Variants in MYRIP observed in about 807,000 individuals in gnomAD.
MYRIP encodes myosin VIIA and Rab interacting protein.
In MYRIP, 49 loss-of-function variants were observed where a neutral mutation model predicts 98.0. The observed-to-expected ratio is 0.50, with a 90% CI of 0.40 to 0.63. The LOEUF (loss-of-function observed/expected upper bound fraction) is 0.63. Ranked by LOEUF, MYRIP falls within the 30% of genes least tolerant of loss-of-function variation. The probability of loss-of-function intolerance (pLI) is 0.00; values close to 1 mark genes in which losing one functional copy is unlikely to be tolerated. For synonymous variants in MYRIP, 404 were observed against 409.5 expected (o/e 0.99, Z 0.16); for missense variants, 1,004 against 1,058.2 (o/e 0.95, Z 0.71).
intron 16 of MYRIP, among the ~76,000 whole-genome samples, chr3:40,257,652 T>A (rs560371709): frequency 6.6e-6 from 1 of 152,308 alleles, no homozygotes; most frequent in African/African-American, 2.4e-5. Context: ...AAAGTTCATA[T>A]AATAATAAAT....
At chr3:39,955,601 A>G (rs574196337) in intron 2 of MYRIP, among the ~76,000 whole-genome samples, 1 of 152,356 alleles carries the variant, frequency 6.6e-6, no homozygotes, top group South Asian at 2.1e-4. Context: ...CATTGATGCT[A>G]GGAAGAAACT....
intron 2 of MYRIP, among the ~76,000 whole-genome samples, chr3:40,043,758 T>C (rs917284823): frequency 4.6e-5 from 7 of 151,980 alleles, no homozygotes; most frequent in Admixed American, 3.3e-4. Context: ...TGCTTATTAG[T>C]TTTTTAATAA....
intron 3 of MYRIP, among the ~76,000 whole-genome samples, chr3:40,080,846 C>CTCT (rs775455217): frequency 6.9e-5 from 6 of 87,246 alleles, no homozygotes; most frequent in Non-Finnish European, 1.4e-4. Context: ...GCTTTTTCTA[C>CTCT]TCTTCTTTGT....
chr3:40,024,648 T>C (rs1189436246), intron 2 of MYRIP, among the ~76,000 whole-genome samples: 2 of 151,162 alleles, frequency 1.3e-5, no homozygotes, highest in Admixed American at 6.6e-5. Context: ...ATAATACGAG[T>C]GTACAGTGTG....
chr3:40,046,347 T>C (rs925375935), intron 3 of MYRIP, among the ~76,000 whole-genome samples: 1 of 151,926 alleles, frequency 6.6e-6, no homozygotes, highest in African/African-American at 2.4e-5. Context: ...TGTTACCAAC[T>C]GGTGGTAAAC....
intron 2 of MYRIP, among the ~76,000 whole-genome samples, chr3:39,966,437 A>G (rs1046717583): frequency 2.6e-5 from 4 of 152,224 alleles, no homozygotes; most frequent in African/African-American, 9.6e-5. Context: ...TTAAAGGCAC[A>G]GATTATATAT....
chr3:40,224,398 A>G (rs1429165211), intron 11 of MYRIP, among the ~76,000 whole-genome samples: 1 of 140,454 alleles, frequency 7.1e-6, no homozygotes, highest in Non-Finnish European at 1.5e-5. Context: ...TCTGAGGAAC[A>G]GTCAGTATAA....
chr3:39,976,418 G>A (rs1361827636), intron 2 of MYRIP, among the ~76,000 whole-genome samples: 1 of 152,190 alleles, frequency 6.6e-6, no homozygotes, highest in Admixed American at 6.5e-5. Flanking sequence ...AGGATATGGA[G>A]AAATAGGAAC....
chr3:39,830,663 A>G (rs1941414765), intron 1 of MYRIP, among the ~76,000 whole-genome samples: 1 of 152,096 alleles, frequency 6.6e-6, no homozygotes, highest in African/African-American at 2.4e-5. Context: ...ATTCAAGCAT[A>G]TCACCCTAGT....
intron 2 of MYRIP, among the ~76,000 whole-genome samples, chr3:40,030,932 T>G (rs1407175228): frequency 6.6e-6 from 1 of 152,146 alleles, no homozygotes; most frequent in African/African-American, 2.4e-5. Flanking sequence ...TAAAAACCGC[T>G]GAATTGTATA....
chr3:39,940,329 C>T (rs191171262), intron 2 of MYRIP, among the ~76,000 whole-genome samples: 1 of 151,854 alleles, frequency 6.6e-6, no homozygotes, highest in African/African-American at 2.4e-5. Flanking sequence ...TTTTAGGGCC[C>T]CCTGTAAGGT....
chr3:40,087,102 G>T (rs1243289311), intron 3 of MYRIP, among the ~76,000 whole-genome samples: 1 of 152,020 alleles, frequency 6.6e-6, no homozygotes, highest in Non-Finnish European at 1.5e-5. Context: ...ACAAAGATAT[G>T]ATTGTACCCT....
intron 8 of MYRIP, among the ~76,000 whole-genome samples, chr3:40,178,611 C>T (rs1950819894): frequency 6.6e-6 from 1 of 152,232 alleles, no homozygotes; most frequent in Non-Finnish European, 1.5e-5. Flanking sequence ...AGAACAGTTA[C>T]ACCGGCTCAG....
chr3:40,156,154 T>A (rs1249871129), intron 4 of MYRIP, among the ~76,000 whole-genome samples: 1 of 151,456 alleles, frequency 6.6e-6, no homozygotes, highest in African/African-American at 2.4e-5. Flanking sequence ...TAATCCATCT[T>A]GAATTAATTT....
intron 1 of MYRIP, among the ~76,000 whole-genome samples, chr3:39,894,434 T>C (rs1422464026): frequency 6.6e-6 from 1 of 152,256 alleles, no homozygotes; most frequent in Non-Finnish European, 1.5e-5. Flanking sequence ...TACCGTTATA[T>C]GTTATTGAAG....
intron 1 of MYRIP, among the ~76,000 whole-genome samples, chr3:39,831,887 T>C (rs1037782295): frequency 5.9e-5 from 9 of 152,204 alleles, no homozygotes; most frequent in Admixed American, 3.3e-4. Context: ...GGATGGTTTA[T>C]AAGTTTCTGG....
intron 2 of MYRIP, among the ~76,000 whole-genome samples, chr3:40,011,887 T>C (rs1218556578): frequency 6.6e-6 from 1 of 152,114 alleles, no homozygotes; most frequent in East Asian, 1.9e-4. Flanking sequence ...GAGGAATCCA[T>C]TTAAAAAAAT....
At chr3:39,861,977 AT>A (rs540913287) in intron 1 of MYRIP, among the ~76,000 whole-genome samples, 46 of 152,316 alleles carry the variant, frequency 3.0e-4, no homozygotes, top group Non-Finnish European at 1.5e-4. Context: ...ATTCAAATTA[AT>A]GAAATGCAGA....
At chr3:40,101,016 C>A (rs1351138422) in intron 3 of MYRIP, among the ~76,000 whole-genome samples, 2 of 152,132 alleles carry the variant, frequency 1.3e-5, no homozygotes, top group Non-Finnish European at 2.9e-5. Context: ...CCCACTCCAC[C>A]CCATCTGTGC....
Sources: gnomAD v4.1 joint callset for allele counts (sites outside exome capture counted in the v4.1 genomes callset) on GRCh38, gnomAD v4.1.1 for gene constraint, MANE v1.5 for transcripts, NCBI Gene and HGNC (gene_info 2026-07-23, HGNC 2026-07-21) for gene names.